The following NFATC1 variants were observed in gnomAD, a reference collection of about 807,000 sequenced individuals.
NFATC1 encodes the protein nuclear factor of activated T cells 1, also known as nuclear factor of activated T-cells, cytoplasmic 1.
A neutral mutation model predicts 76.0 loss-of-function variants in NFATC1; 22 were observed. That is an observed-to-expected ratio of 0.29 (90% CI 0.21 to 0.41). The LOEUF is 0.41. Among genes scored for constraint, NFATC1 ranks in the 10% least tolerant of loss-of-function variants. NFATC1 has a pLI of 1.00. For missense variants in NFATC1, 1,357 were observed against 1,337.7 expected, an observed-to-expected ratio of 1.01 and a Z score of -0.23; for synonymous variants, 704 against 613.1, an observed-to-expected ratio of 1.15 and a Z score of -2.19.
At chr18:79,478,225 TTGTGCCTGCCAC>T (rs1247075266) in intron 8 of NFATC1, among the ~76,000 whole-genome samples, 7 of 150,256 alleles carry the variant, frequency 4.7e-5, no homozygotes, top group Admixed American at 6.7e-5. Context: ...TGGGGCAGGC[TTGTGCCTGCCAC>T]CGTGTTGCTC....
chr18:79,398,017 C>T (rs1258311540), intron 1 of NFATC1, among the ~76,000 whole-genome samples: 2 of 152,100 alleles, frequency 1.3e-5, no homozygotes, highest in African/African-American at 4.8e-5. Flanking sequence ...GGTTTCCACA[C>T]CAGCCATCGC....
At position 79,510,508 on chromosome 18, in the gene NFATC1, G is replaced by A. The variant is rs78400068; in HGVS notation, c.2783-17020G>A. Among the ~76,000 whole-genome samples, 30 of 152,334 alleles carry A rather than the reference G, an allele frequency of 2.0e-4. No homozygotes were observed. In the East Asian group the frequency reaches 4.2e-3, roughly 22 times the overall value. On this transcript the variant is annotated intron_variant, in intron 9 of 9. Coordinates refer to ENST00000427363, the MANE Select transcript of NFATC1 (RefSeq NM_001278669.2). ...CACAGGCGTGGTGGAGGGCTCTTGC[G>A]TTTGGATTTGAGGGGCTTAGAGGTC...
rs762196524 is a variant in NFATC1, at chr18:79,448,884, A to G, written c.1489A>G (p.Ile497Val). ...GCACGCCTTCTACCAGGTGCACCGCATCACAGGGAAGACCGTGTCCACCAC... is the reference window on the plus strand; with the variant it reads ...GCACGCCTTCTACCAGGTGCACCGCGTCACAGGGAAGACCGTGTCCACCAC... ...RPHAFYQVHR[I>V]TGKTVSTTSH... Residue 497 changes from isoleucine to valine, a missense_variant, in exon 4 of 10, where the codon ATC (isoleucine) becomes GTC (valine). Coordinates refer to ENST00000427363, the MANE Select transcript of NFATC1 (RefSeq NM_001278669.2). 6 of 1,613,672 alleles carry G rather than the reference A, an allele frequency of 3.7e-6. No individual in the cohort carries two copies. The East Asian group carries it at 6.7e-5, about 18-fold the overall frequency.
Position 79,451,223 on chromosome 18 carries a change from G to A in NFATC1, c.1762+97G>A, listed in dbSNP as rs115010483. 271 of 1,403,682 alleles carry A rather than the reference G, an allele frequency of 1.9e-4. 1 individual carries two copies. In the African/African-American group the frequency reaches 3.5e-3, roughly 18 times the overall value. The allele number at this position is 1,403,682 out of a possible 1,614,324, so 87.0% of individuals were successfully genotyped here. A position where few individuals can be genotyped will look rare whatever the true frequency, so the allele number is the denominator to read the frequency against. On this transcript the variant is annotated intron_variant, in intron 5 of 9. Transcript: ENST00000427363. The stretch of plus-strand genomic sequence containing the variant: ...CTCAGCTTTTCGTTCGTGTAGACTT[G>A]GGACTGAACGGTTCCCACCAAACCC...
rs11662510 is a variant in NFATC1 at position 79,516,440 on chromosome 18, G to A, written c.2783-11088G>A. On this transcript the variant is annotated intron_variant, in intron 9 of 9. Transcript: ENST00000427363. ...AAGCATCTTTGAAAAATGCAGAATCGTAAAGAAGGGTTCTAGAGACGCTGC... is the reference window on the plus strand; with the variant it reads ...AAGCATCTTTGAAAAATGCAGAATCATAAAGAAGGGTTCTAGAGACGCTGC... Among the ~76,000 whole-genome samples the A allele has an allele frequency of 2.5e-4, 38 of 152,296 alleles. No homozygotes were observed. The East Asian group carries it at 6.4e-3, about 25-fold the overall frequency.
rs757138346 is a variant in NFATC1, at chr18:79,396,324, G to T, written c.100G>T (p.Gly34Cys). 3 of 1,411,356 alleles carry T rather than the reference G, an allele frequency of 2.1e-6. No homozygotes were observed. Among genetic ancestry groups the T allele is most frequent in the African/African-American group, 3.0e-5 (2 of 66,758 alleles). 87.4% of individuals were successfully genotyped at this position (1,411,356 alleles called of 1,614,324 possible). Residue 34 changes from glycine (G) to cysteine (C), a missense_variant, in exon 1 of 10, where the codon GGC (glycine) becomes TGC (cysteine). Coordinates refer to ENST00000427363, the MANE Select transcript of NFATC1 (RefSeq NM_001278669.2). ...AACTTTGGGGCCCGCGCCGCGCGCC[G>T]GCGGCACCATGAAGTCAGCGGAGGA... ...GETLGPAPRA[G>C]GTMKSAEEEH...
At chr18:79,415,883 G>A (rs1261641858) in intron 2 of NFATC1, among the ~76,000 whole-genome samples, 1 of 151,988 alleles carries the variant, frequency 6.6e-6, no homozygotes, top group Non-Finnish European at 1.5e-5. Context: ...CCAAATTGGC[G>A]AAACCCCATC....
intron 6 of NFATC1, among the ~76,000 whole-genome samples, chr18:79,456,576 C>G (rs552062204): frequency 6.6e-6 from 1 of 152,310 alleles, no homozygotes; most frequent in Non-Finnish European, 1.5e-5. Flanking sequence ...GGTTCTTTCT[C>G]GCGGGCGGGG....
chr18:79,441,429 C>T (rs2086971682), intron 3 of NFATC1, among the ~76,000 whole-genome samples: 2 of 152,198 alleles, frequency 1.3e-5, no homozygotes, highest in Non-Finnish European at 2.9e-5. Flanking sequence ...CACTGACCAG[C>T]AGGCTTAGGG....
At chr18:79,468,094 A>AC in intron 8 of NFATC1, 1 of 648,042 alleles carries the variant, frequency 1.5e-6, no homozygotes, top group Non-Finnish European at 1.9e-6. Flanking sequence ...ATCTCCTGGG[A>AC]CCACGGGCAT....
At chr18:79,500,437 T>C (rs1257106022) in intron 9 of NFATC1, among the ~76,000 whole-genome samples, 1 of 151,962 alleles carries the variant, frequency 6.6e-6, no homozygotes, top group Non-Finnish European at 1.5e-5. Context: ...ATATGAGGAA[T>C]AAGATGGATT....
chr18:79,435,074 G>C (rs767369337), intron 3 of NFATC1, among the ~76,000 whole-genome samples: 1 of 152,212 alleles, frequency 6.6e-6, no homozygotes, highest in Non-Finnish European at 1.5e-5. Flanking sequence ...GGTTTTTACT[G>C]ACCGAAAGCT....
chr18:79,461,905 A>C (rs1044963115), intron 7 of NFATC1, among the ~76,000 whole-genome samples: 6 of 152,148 alleles, frequency 3.9e-5, no homozygotes, highest in African/African-American at 1.4e-4. Context: ...ATGGTGTCCC[A>C]AGCACAAGAG....
intron 9 of NFATC1, among the ~76,000 whole-genome samples, chr18:79,509,218 C>T (rs1213745993): frequency 1.3e-5 from 2 of 152,222 alleles, no homozygotes; most frequent in South Asian, 4.1e-4. Flanking sequence ...ACTTCCTGTT[C>T]CCCTTTTCTG....
chr18:79,428,504 G>C (rs1465270733), intron 2 of NFATC1, among the ~76,000 whole-genome samples: 9 of 152,204 alleles, frequency 5.9e-5, no homozygotes, highest in African/African-American at 2.2e-4. Context: ...TGCGCTCAGG[G>C]CATGACCGGA....
chr18:79,439,119 C>G (rs1032053193), intron 3 of NFATC1, among the ~76,000 whole-genome samples: 2 of 152,180 alleles, frequency 1.3e-5, no homozygotes, highest in Admixed American at 1.3e-4. Context: ...ATACCGTGGA[C>G]AGATTACCAC....
intron 9 of NFATC1, among the ~76,000 whole-genome samples, chr18:79,526,269 G>T (rs1335624949): frequency 3.3e-5 from 5 of 152,268 alleles, no homozygotes; most frequent in Admixed American, 2.0e-4. Flanking sequence ...ACGGAGGGGC[G>T]GGAGCCCGGG....
At chr18:79,449,029 G>T in intron 4 of NFATC1, 45 bp downstream of exon 4, 7 of 1,593,624 alleles carry the variant, frequency 4.4e-6, no homozygotes, top group Non-Finnish European at 6.0e-6. Context: ...GGCGGTAGGA[G>T]GGGGCGTGCC....
In NFATC1 at chr18:79,409,237, ATCCATTATTCC is replaced by A. The variant is rs763445977; in HGVS notation, c.128-1159_128-1149del. 1.8e-3 allele frequency among the ~76,000 whole-genome samples: 274 copies of A among 148,866 alleles called. 4 individuals are homozygous for A. The highest frequency in any genetic ancestry group is 1.8e-3 in the Non-Finnish European group (121 of 67,370). On this transcript the variant is annotated intron_variant, in intron 1 of 9. Coordinates refer to ENST00000427363, the MANE Select transcript of NFATC1 (RefSeq NM_001278669.2). ...TCCATTCATCCATCATCCATCATCC[ATCCATTATTCC>A]TCCATTCCCTATCCATCCATCTATC...
Sources: allele counts gnomAD v4.1 joint callset (sites outside exome capture counted in the v4.1 genomes callset), GRCh38; gene constraint gnomAD v4.1.1; transcripts MANE v1.5; gene names NCBI Gene and HGNC (gene_info 2026-07-23, HGNC 2026-07-21).